Variants in UPP2 observed in about 807,000 individuals in gnomAD.
The protein encoded by UPP2 is uridine phosphorylase 2.
A neutral mutation model predicts 26.7 loss-of-function variants in UPP2; 23 were observed. The ratio of observed to expected loss-of-function variants is 0.86; its 90% CI spans 0.62 to 1.22. The LOEUF (loss-of-function observed/expected upper bound fraction) is 1.22, where lower values mean the gene tolerates loss of function less well. Among genes scored for constraint, UPP2 ranks in the 50% most tolerant of loss-of-function variants. The pLI, the probability that UPP2 is intolerant of heterozygous loss-of-function variation, is 0.00. For missense variants in UPP2, 387 were observed against 396.7 expected (o/e 0.98, Z 0.21); for synonymous variants, 127 against 141.3 (o/e 0.90, Z 0.72).
At chr2:158,120,581 T>C (rs1683543716) in intron 4 of UPP2, among the ~76,000 whole-genome samples, 1 of 152,026 alleles carries the variant, frequency 6.6e-6, no homozygotes, top group South Asian at 2.1e-4. Flanking sequence ...TAAAAAGTGT[T>C]AGGACAGAGA....
chr2:158,110,375 G>C (rs1337675044), intron 2 of UPP2, among the ~76,000 whole-genome samples: 3 of 152,000 alleles, frequency 2.0e-5, no homozygotes, highest in Non-Finnish European at 4.4e-5. Context: ...TGGTGTATTT[G>C]CTTAATCCAG....
intron 3 of UPP2, among the ~76,000 whole-genome samples, chr2:158,048,208 C>T (rs563985813): frequency 3.3e-5 from 5 of 152,330 alleles, no homozygotes; most frequent in African/African-American, 1.2e-4. Context: ...CTGGAAGGAA[C>T]ACTTGGACAA....
intron 3 of UPP2, among the ~76,000 whole-genome samples, chr2:158,086,808 C>A (rs1039269494): frequency 6.6e-6 from 1 of 151,958 alleles, no homozygotes; most frequent in Non-Finnish European, 1.5e-5. Context: ...TTTGAAGGTT[C>A]CTTTTTGAGT....
chr2:158,107,165 T>C (rs1322822716), intron 2 of UPP2, among the ~76,000 whole-genome samples: 6 of 152,226 alleles, frequency 3.9e-5, no homozygotes, highest in African/African-American at 7.2e-5. Flanking sequence ...ACAGAAATGG[T>C]CAAAGAGACT....
chr2:158,007,426 C>A (rs912891077), intron 2 of UPP2, among the ~76,000 whole-genome samples: 4 of 152,084 alleles, frequency 2.6e-5, no homozygotes, highest in Non-Finnish European at 4.4e-5. Context: ...CAGCTGACTT[C>A]CCCATAACAA....
intron 3 of UPP2, among the ~76,000 whole-genome samples, chr2:158,025,216 AAAAG>A (rs1683815800): frequency 6.6e-6 from 1 of 151,896 alleles, no homozygotes; most frequent in Non-Finnish European, 1.5e-5. Flanking sequence ...AAAAAAAAAA[AAAAG>A]ATCAGAAAAT....
intron 3 of UPP2, among the ~76,000 whole-genome samples, chr2:158,020,606 C>T (rs1683734261): frequency 6.6e-6 from 1 of 152,192 alleles, no homozygotes; most frequent in Non-Finnish European, 1.5e-5. Context: ...GGAATGACAC[C>T]CAGAGAGCTA....
At chr2:158,083,670 G>T (rs1682764576) in intron 3 of UPP2, among the ~76,000 whole-genome samples, 1 of 151,486 alleles carries the variant, frequency 6.6e-6, no homozygotes, top group African/African-American at 2.4e-5. Flanking sequence ...AAACCTGTAG[G>T]TTCTGTGCAT....
chr2:158,124,984 A>G lies in UPP2; in HGVS notation c.811+1089A>G, dbSNP rs531221459. ...TATAGATGGCATTTAAAGCTATGCAATGGGTAAGATAACAAACAATGAGTC... is the reference window on the plus strand; with the variant it reads ...TATAGATGGCATTTAAAGCTATGCAGTGGGTAAGATAACAAACAATGAGTC... On this transcript the variant is annotated intron_variant, in intron 6 of 6. Coordinates refer to ENST00000005756, the MANE Select transcript of UPP2 (RefSeq NM_173355.4). 4.4e-4 allele frequency among the ~76,000 whole-genome samples: 67 copies of G among 152,306 alleles called. 2 individuals are homozygous for G. The South Asian group carries it at 0.013, about 30-fold the overall frequency.
rs567490889 is a variant in UPP2 at position 158,106,813 on chromosome 2, G to A, written c.180+597G>A. ...TATTTAAAATAGGGAATACAAAAAA[G>A]AATATGATTGTTAAAAAACACCCAA... On this transcript the variant is annotated intron_variant, in intron 2 of 6. Transcript: ENST00000005756. 7.2e-4 allele frequency among the ~76,000 whole-genome samples: 109 copies of A among 152,172 alleles called. 1 individual carries two copies. Among genetic ancestry groups the A allele is most frequent in the African/African-American group, 2.4e-3 (101 of 41,554 alleles).
intron 3 of UPP2, among the ~76,000 whole-genome samples, chr2:158,079,342 C>T (rs6712771): frequency 0.74 from 111,737 of 151,902 alleles, 41,932 homozygotes; most frequent in African/African-American, 0.87. Context: ...TGTAGGATAT[C>T]CAAATTATAA....
At chr2:158,133,619 C>CTCATAATTATATATAATTACTAT (rs1683871226) in intron 6 of UPP2, 1 of 151,994 alleles carries the variant, frequency 6.6e-6, no homozygotes, top group Non-Finnish European at 1.5e-5. Context: ...CACATTGTAC[C>CTCATAATTATATATAATTACTAT]TCATAATTAT....
In UPP2 at chr2:158,101,914, G is replaced by C; in HGVS notation, c.-150G>C. The C allele has an allele frequency of 3.7e-6, 5 of 1,359,288 alleles. No individual in the cohort carries two copies. The East Asian group carries it at 8.4e-5, about 23-fold the overall frequency. 84.2% of individuals were successfully genotyped at this position (1,359,288 alleles called of 1,614,324 possible). On this transcript the variant is annotated 5_prime_UTR_variant, in exon 1 of 7. It removes the in-frame stop codon of an upstream open reading frame in the 5' UTR. Transcript: ENST00000005756. Reference sequence around the variant, plus strand: ...AAATGCTAAAGGAAAAATTTTCTTAGCAATTTCACAGGAAAACCTAAGTTT... The same window carrying C: ...AAATGCTAAAGGAAAAATTTTCTTACCAATTTCACAGGAAAACCTAAGTTT...
chr2:158,118,913 G>A (rs1034792668), intron 4 of UPP2, among the ~76,000 whole-genome samples: 5 of 152,156 alleles, frequency 3.3e-5, no homozygotes, highest in Middle Eastern at 3.4e-3. Flanking sequence ...TTCCACAGCC[G>A]TGGTCCAGGA....
intron 3 of UPP2, among the ~76,000 whole-genome samples, chr2:158,082,522 C>G (rs951533628): frequency 2.6e-5 from 4 of 152,124 alleles, no homozygotes; most frequent in African/African-American, 9.7e-5. Flanking sequence ...AAAACTGAAA[C>G]TGGACCCCTT....
chr2:158,085,397 T>G (rs1196288959), intron 3 of UPP2, among the ~76,000 whole-genome samples: 1 of 152,130 alleles, frequency 6.6e-6, no homozygotes, highest in African/African-American at 2.4e-5. Context: ...TAGGAAGCTT[T>G]TTGGAGGAGT....
chr2:158,044,291 G>A (rs1684120787), intron 3 of UPP2, among the ~76,000 whole-genome samples: 1 of 152,184 alleles, frequency 6.6e-6, no homozygotes, highest in Admixed American at 6.5e-5. Context: ...GTACAGGCAA[G>A]TTGACCATAG....
intron 3 of UPP2, among the ~76,000 whole-genome samples, chr2:158,078,757 C>T (rs912373418): frequency 2.6e-5 from 4 of 151,958 alleles, no homozygotes. Context: ...AATGACTGCA[C>T]ATTTTAAAAT....
At chr2:158,041,847 A>G (rs917446296) in intron 3 of UPP2, among the ~76,000 whole-genome samples, 1 of 152,240 alleles carries the variant, frequency 6.6e-6, no homozygotes, top group Non-Finnish European at 1.5e-5. Flanking sequence ...ATATGATTCA[A>G]TTGCCAAGAA....
Sources: allele counts gnomAD v4.1 joint callset (sites outside exome capture counted in the v4.1 genomes callset), GRCh38; gene constraint gnomAD v4.1.1; transcripts MANE v1.5; gene names NCBI Gene and HGNC (gene_info 2026-07-23, HGNC 2026-07-21).